Variants in TNS1 observed in about 807,000 individuals in gnomAD.
TNS1 encodes tensin 1.
In TNS1, 62 loss-of-function variants were observed where a neutral mutation model predicts 168.6. The ratio of observed to expected loss-of-function variants is 0.37; its 90% CI spans 0.30 to 0.45. The LOEUF (loss-of-function observed/expected upper bound fraction) is 0.45, where lower values mean the gene tolerates loss of function less well. Among genes scored for constraint, TNS1 ranks in the 20% least tolerant of loss-of-function variants. The pLI is 1.00. For synonymous variants in TNS1, 934 were observed against 933.2 expected, an observed-to-expected ratio of 1.00 and a Z score of -0.02; for missense variants, 2,240 against 2,339.4, an observed-to-expected ratio of 0.96 and a Z score of 0.88.
At chr2:217,840,752 C>T (rs1218706099) in intron 19 of TNS1, among the ~76,000 whole-genome samples, 2 of 152,254 alleles carry the variant, frequency 1.3e-5, no homozygotes, top group Non-Finnish European at 2.9e-5. Flanking sequence ...GCAGTCTGGC[C>T]AGGGTGGCCG....
At chr2:217,979,236 C>G (rs1957977537) in intron 2 of TNS1, among the ~76,000 whole-genome samples, 1 of 152,100 alleles carries the variant, frequency 6.6e-6, no homozygotes, top group East Asian at 1.9e-4. Context: ...TTACTCTGCC[C>G]CAGAGACAGA....
intron 18 of TNS1, among the ~76,000 whole-genome samples, chr2:217,873,629 C>T (rs1025985106): frequency 3.3e-5 from 5 of 152,138 alleles, no homozygotes; most frequent in African/African-American, 1.2e-4. Context: ...GAGATTTCAG[C>T]AGGAGGAGGC....
At chr2:218,022,622 G>A (rs1220960873) in intron 1 of TNS1, among the ~76,000 whole-genome samples, 1 of 151,938 alleles carries the variant, frequency 6.6e-6, no homozygotes, top group Non-Finnish European at 1.5e-5. Context: ...GCTTCACAAA[G>A]GGCCTCTGGC....
intron 3 of TNS1, among the ~76,000 whole-genome samples, chr2:217,963,573 G>A (rs891026677): frequency 5.3e-5 from 8 of 152,004 alleles, no homozygotes; most frequent in African/African-American, 1.2e-4. Context: ...GAAACAAATC[G>A]GCTCTAATGT....
At chr2:217,950,776 C>G (rs1450720942) in intron 3 of TNS1, among the ~76,000 whole-genome samples, 1 of 151,480 alleles carries the variant, frequency 6.6e-6, no homozygotes, top group Non-Finnish European at 1.5e-5. Flanking sequence ...TGCTGTCACC[C>G]GCACGGCCCT....
At chr2:217,941,578 A>G (rs1956914999) in intron 3 of TNS1, among the ~76,000 whole-genome samples, 1 of 152,162 alleles carries the variant, frequency 6.6e-6, no homozygotes. Flanking sequence ...CCCAGGCCAG[A>G]GGACACAGCT....
intron 1 of TNS1, among the ~76,000 whole-genome samples, chr2:218,031,340 TGA>T (rs1173564034): frequency 2.5e-4 from 36 of 146,358 alleles, no homozygotes; most frequent in East Asian, 8.1e-4. Context: ...TGTCTGTGTG[TGA>T]GTGTATGAGT....
intron 23 of TNS1, among the ~76,000 whole-genome samples, chr2:217,820,941 T>C (rs13022333): frequency 0.27 from 41,329 of 151,974 alleles, 6,210 homozygotes; most frequent in Middle Eastern, 0.41. Flanking sequence ...AGCCTCACAC[T>C]CCCAACATGG....
chr2:218,025,521 A>G (rs1022142880), intron 1 of TNS1, among the ~76,000 whole-genome samples: 1 of 152,038 alleles, frequency 6.6e-6, no homozygotes, highest in African/African-American at 2.4e-5. Context: ...AAGTGCTGGT[A>G]TTACAGGTAT....
At chr2:217,830,518 C>T in intron 22 of TNS1, 1 of 1,105,126 alleles carries the variant, frequency 9.0e-7, no homozygotes, top group Non-Finnish European at 1.3e-6. Flanking sequence ...TGTCTCCCTC[C>T]ACCATAAGAA....
chr2:217,800,993 T>C lies in TNS1; in HGVS notation c.*3466A>G, dbSNP rs563122473. The C allele has an allele frequency of 1.3e-5, 2 of 152,198 alleles. No individual in the cohort carries two copies. The highest frequency in any genetic ancestry group is 3.9e-4 in the East Asian group (2 of 5,152). The allele number at this position is 152,198 out of a possible 1,614,324, so 9.4% of individuals were successfully genotyped here. The stretch of plus-strand genomic sequence containing the variant: ...TCCAGGAGGGCTGCCCCTCCTGCTT[T>C]CACACAACCACTGGCCCCACCATCC... On this transcript the variant is annotated 3_prime_UTR_variant, in exon 33 of 33. Transcript: ENST00000682258.
At chr2:217,812,135 C>T (rs1941030648) in intron 28 of TNS1, among the ~76,000 whole-genome samples, 1 of 152,216 alleles carries the variant, frequency 6.6e-6, no homozygotes, top group African/African-American at 2.4e-5. Flanking sequence ...GGAGAGTTTT[C>T]CTGAACAATC....
At chr2:217,882,032 C>A in intron 17 of TNS1, 1 of 258,252 alleles carries the variant, frequency 3.9e-6, no homozygotes, top group Non-Finnish European at 7.2e-6. Context: ...TGTGTGCCCC[C>A]TGCCCGCCAG....
chr2:218,001,900 C>G (rs922371621), intron 1 of TNS1, among the ~76,000 whole-genome samples: 3 of 152,146 alleles, frequency 2.0e-5, no homozygotes, highest in Non-Finnish European at 4.4e-5. Context: ...CCTGAAGCCC[C>G]CTCCCCCAAA....
chr2:217,916,139 T>A (rs925539163), intron 4 of TNS1, among the ~76,000 whole-genome samples: 6 of 152,180 alleles, frequency 3.9e-5, no homozygotes, highest in Non-Finnish European at 8.8e-5. Flanking sequence ...AGAACGAAGC[T>A]CGGCAGATAT....
chr2:218,013,255 C>CA (rs34465614), upstream of TNS1, among the ~76,000 whole-genome samples: 333 of 132,658 alleles, frequency 2.5e-3, 4 homozygotes, highest in South Asian at 0.045. Context: ...GACTCTATCT[C>CA]AAAAAAAAAA....
chr2:217,819,660 T>C (rs1028353655), intron 23 of TNS1, among the ~76,000 whole-genome samples: 2 of 152,196 alleles, frequency 1.3e-5, no homozygotes, highest in African/African-American at 2.4e-5. Context: ...GCCAGTGAGT[T>C]TTTTTGCTTA....
intron 15 of TNS1, 142 bp from the exon 16 acceptor site, chr2:217,885,306 G>T: frequency 8.3e-7 from 1 of 1,200,280 alleles, no homozygotes; most frequent in Non-Finnish European, 1.1e-6. Flanking sequence ...ACACCAAACA[G>T]GATCTCAGAG....
In TNS1 at chr2:218,032,562, A is replaced by G. The variant is rs1014367528; in HGVS notation, c.156+1258T>C. ...GGACTGGCAGTGGGTGCGCCCTGGC[A>G]GGCAGCCCAGATGTCTGGGTAGCCA... On this transcript the variant is annotated intron_variant, in intron 1 of 1. Transcript: ENST00000649572. The surrounding 1 kb of genome is among the most constrained non-coding windows in gnomAD (Gnocchi z 4.0). Among the ~76,000 whole-genome samples, 2 of 152,144 alleles carry G rather than the reference A, an allele frequency of 1.3e-5. No individual in the cohort carries two copies. The highest frequency in any genetic ancestry group is 2.9e-5 in the Non-Finnish European group (2 of 67,984).
Sources: allele counts gnomAD v4.1 joint callset (sites outside exome capture counted in the v4.1 genomes callset), GRCh38; gene constraint gnomAD v4.1.1; non-coding constraint Gnocchi (gnomAD v3.1); transcripts MANE v1.5; gene names NCBI Gene and HGNC (gene_info 2026-07-23, HGNC 2026-07-21).